Variants in GATA6 observed in about 807,000 individuals in gnomAD.
GATA6 encodes the protein transcription factor GATA-6.
Under a neutral mutation model 48.1 loss-of-function variants are expected in GATA6, and 11 were observed. The ratio of observed to expected loss-of-function variants is 0.23; its 90% CI spans 0.14 to 0.38. The LOEUF (loss-of-function observed/expected upper bound fraction) is 0.38, where lower values mean the gene tolerates loss of function less well. Ranked by LOEUF, GATA6 falls within the 10% of genes least tolerant of loss-of-function variation. The probability of loss-of-function intolerance (pLI) is 1.00; values close to 1 mark genes in which losing one functional copy is unlikely to be tolerated. For synonymous variants in GATA6, 419 were observed against 396.1 expected, an observed-to-expected ratio of 1.06 and a Z score of -0.69; for missense variants, 795 against 850.3, an observed-to-expected ratio of 0.93 and a Z score of 0.81.
chr18:22,189,723 G>A (rs1173005483), intron 6 of GATA6, among the ~76,000 whole-genome samples: 1 of 152,102 alleles, frequency 6.6e-6, no homozygotes, highest in Non-Finnish European at 1.5e-5. Context: ...AAACAGTGGT[G>A]GATTGGTCTT....
chr18:22,181,953 A>G (rs1049913577), intron 4 of GATA6, among the ~76,000 whole-genome samples: 4 of 152,248 alleles, frequency 2.6e-5, no homozygotes, highest in African/African-American at 9.6e-5. Context: ...GAAATCAATA[A>G]AAAATGCACA....
intron 6 of GATA6, among the ~76,000 whole-genome samples, chr18:22,198,110 G>T (rs912275423): frequency 6.6e-6 from 1 of 150,488 alleles, no homozygotes; most frequent in Non-Finnish European, 1.5e-5. Flanking sequence ...TTAGAGACAG[G>T]GTCTTGCTCT....
intron 6 of GATA6, among the ~76,000 whole-genome samples, chr18:22,189,948 C>T (rs942536950): frequency 2.0e-5 from 3 of 152,212 alleles, no homozygotes; most frequent in African/African-American, 4.8e-5. Flanking sequence ...CAAATTGAGA[C>T]GCGTGGTTTC....
At chr18:22,175,341 C>T (rs2033107851) in intron 2 of GATA6, 1 of 152,160 alleles carries the variant, frequency 6.6e-6, no homozygotes, top group South Asian at 2.1e-4. Flanking sequence ...GGGGAGTTCA[C>T]ACTGTCTTCT....
Position 22,200,841 on chromosome 18 carries a change from G to T in GATA6, c.*18G>T. The stretch of plus-strand genomic sequence containing the variant: ...TGGCCTGAGCCCACGCCGCCAGGAG[G>T]CAGGGAGGGCTCCGCCGCGGGCCTC... On this transcript the variant is annotated 3_prime_UTR_variant, in exon 7 of 7. Transcript: ENST00000269216. The T allele has an allele frequency of 6.2e-7, 1 of 1,600,962 alleles. No individual in the cohort carries two copies.
chr18:22,202,215 A>T lies in GATA6; in HGVS notation c.*1392A>T, dbSNP rs961988097. 2.6e-5 allele frequency: 4 copies of T among 152,102 alleles called. No homozygotes were observed. Among genetic ancestry groups the T allele is most frequent in the Non-Finnish European group, 5.9e-5 (4 of 68,018 alleles). The allele number at this position is 152,102 out of a possible 1,614,324, so 9.4% of individuals were successfully genotyped here. On this transcript the variant is annotated 3_prime_UTR_variant, in exon 7 of 7. Coordinates refer to ENST00000269216, the MANE Select transcript of GATA6 (RefSeq NM_005257.6). The stretch of plus-strand genomic sequence containing the variant: ...GGGACAGTTTTTATAAGTGGGAAGG[A>T]CTCAGTATTATTATATTTGAGATGA...
intron 3 of GATA6, chr18:22,180,269 G>A (rs1237618547): frequency 6.6e-6 from 1 of 152,018 alleles, no homozygotes; most frequent in South Asian, 2.1e-4. Context: ...GTAATTTACA[G>A]CATTTGAAAG....
intron 2 of GATA6, among the ~76,000 whole-genome samples, chr18:22,175,182 G>T (rs2033105638): frequency 6.6e-6 from 1 of 152,106 alleles, no homozygotes; most frequent in Non-Finnish European, 1.5e-5. Flanking sequence ...GATTATAGCT[G>T]CCTGGTGGGT....
Position 22,202,500 on chromosome 18 carries a change from A to G in GATA6, c.*1677A>G, listed in dbSNP as rs928412791. On this transcript the variant is annotated 3_prime_UTR_variant, in exon 7 of 7. Transcript: ENST00000269216. ...ATTTCAGGAAATCAGGAGGTGTTTC[A>G]CAATACAGAATGATGGCCTTTAACT... 1 of 152,188 alleles carries G rather than the reference A, an allele frequency of 6.6e-6. No homozygotes were observed. Among genetic ancestry groups the G allele is most frequent in the South Asian group, 2.1e-4 (1 of 4,822 alleles). 9.4% of individuals were successfully genotyped at this position (152,188 alleles called of 1,614,324 possible).
At chr18:22,177,385 G>T (rs2033136672) in intron 3 of GATA6, among the ~76,000 whole-genome samples, 1 of 152,206 alleles carries the variant, frequency 6.6e-6, no homozygotes, top group African/African-American at 2.4e-5. Flanking sequence ...ACGCGCAGGG[G>T]ATGACGTCCG....
Position 22,171,778 on chromosome 18 carries a change from C to A in GATA6, c.634C>A (p.Pro212Thr). 7.5e-7 allele frequency: 1 copy of A among 1,339,742 alleles called. No individual in the cohort carries two copies. The allele number at this position is 1,339,742 out of a possible 1,614,324, so 83.0% of individuals were successfully genotyped here. ...PYHLQGSGSGPANHAGGAGAH... is the reference protein window; with the variant it reads ...PYHLQGSGSGTANHAGGAGAH... ...CCACCTGCAGGGGTCGGGCAGTGGGCCAGCCAACCACGCGGGCGGCGCGGG... is the reference window on the plus strand; with the variant it reads ...CCACCTGCAGGGGTCGGGCAGTGGGACAGCCAACCACGCGGGCGGCGCGGG... Residue 212 changes from proline (P) to threonine (T), a missense_variant, in exon 2 of 7, where the codon CCA becomes ACA. This residue lies in a region of GATA6 where 591 missense variants were observed against 570.0 expected (regional missense o/e 1.04). Transcript: ENST00000269216. The surrounding 1 kb of genome is among the most constrained non-coding windows in gnomAD (Gnocchi z 7.1).
chr18:22,171,709 G>T lies in GATA6; in HGVS notation c.565G>T (p.Val189Leu). ...GGCGGCGGCCAGCTCCCCGGTCTACGTGCCCACCACCCGCGTGGGTTCCAT... is the reference window on the plus strand; with the variant it reads ...GGCGGCGGCCAGCTCCCCGGTCTACTTGCCCACCACCCGCGTGGGTTCCAT... ...AAAAASSPVY[V>L]PTTRVGSMLP... The change falls in exon 2 of 7, where the codon GTG becomes TTG. Residue 189 changes from valine to leucine, a missense_variant. Val to Leu is a conservative substitution (Grantham distance 32, BLOSUM62 1). This residue lies in a region of GATA6 where 591 missense variants were observed against 570.0 expected (regional missense o/e 1.04). Coordinates refer to ENST00000269216, the MANE Select transcript of GATA6 (RefSeq NM_005257.6). The surrounding 1 kb of genome is among the most constrained non-coding windows in gnomAD (Gnocchi z 7.1). The T allele has an allele frequency of 6.7e-7, 1 of 1,495,254 alleles. No individual in the cohort carries two copies. Among genetic ancestry groups the T allele is most frequent in the South Asian group, 1.2e-5 (1 of 80,044 alleles). The allele number at this position is 1,495,254 out of a possible 1,614,324, so 92.6% of individuals were successfully genotyped here. A position where few individuals can be genotyped will look rare whatever the true frequency, so the allele number is the denominator to read the frequency against.
chr18:22,175,107 C>G (rs989887419), intron 2 of GATA6, among the ~76,000 whole-genome samples: 8 of 152,082 alleles, frequency 5.3e-5, no homozygotes, highest in Non-Finnish European at 8.8e-5. Flanking sequence ...GAGCAAGCCC[C>G]CAGCTTTTAT....
intron 6 of GATA6, among the ~76,000 whole-genome samples, chr18:22,194,661 G>T (rs1276586319): frequency 6.6e-6 from 1 of 152,124 alleles, no homozygotes. Flanking sequence ...GTATGTGTGT[G>T]TATTAGGTCC....
At chr18:22,199,920 A>AAAAG (rs1178999892) in intron 6 of GATA6, among the ~76,000 whole-genome samples, 6 of 151,216 alleles carry the variant, frequency 4.0e-5, no homozygotes, top group East Asian at 1.9e-4. Flanking sequence ...AAAAAAAAAA[A>AAAAG]AAAGAAAGAA....
chr18:22,180,919 T>G (rs892837306), intron 3 of GATA6, among the ~76,000 whole-genome samples: 2 of 151,736 alleles, frequency 1.3e-5, no homozygotes, highest in Non-Finnish European at 2.9e-5. Context: ...GTGACTATAG[T>G]GCACGGCCAA....
intron 6 of GATA6, among the ~76,000 whole-genome samples, chr18:22,199,501 T>C (rs1447717080): frequency 6.6e-6 from 1 of 152,232 alleles, no homozygotes; most frequent in Non-Finnish European, 1.5e-5. Flanking sequence ...AAACAGATTT[T>C]AGTTATTTTG....
rs776161334 is a variant in GATA6 at position 22,182,706 on chromosome 18, G to T, written c.1429-51G>T. 3.0e-6 allele frequency: 4 copies of T among 1,354,812 alleles called. No homozygotes were observed. In the South Asian group the frequency reaches 3.7e-5, roughly 13 times the overall value. The allele number at this position is 1,354,812 out of a possible 1,614,324, so 83.9% of individuals were successfully genotyped here. A position where few individuals can be genotyped will look rare whatever the true frequency, so the allele number is the denominator to read the frequency against. ...TTTTAGTGCCAATGTTGGGTCTTTG[G>T]TTTTTCTTCAATATAATATTAAATT... On this transcript the variant is annotated intron_variant, in intron 4 of 6. Coordinates refer to ENST00000269216, the MANE Select transcript of GATA6 (RefSeq NM_005257.6).
rs1053123172 is a variant in GATA6, at chr18:22,170,472, T to A, written c.-37-636T>A. Among the ~76,000 whole-genome samples the A allele has an allele frequency of 6.6e-6, 1 of 152,162 alleles. No individual in the cohort carries two copies. The highest frequency in any genetic ancestry group is 1.5e-5 in the Non-Finnish European group (1 of 68,008). On this transcript the variant is annotated intron_variant, in intron 1 of 6. Transcript: ENST00000269216. The surrounding 1 kb of genome is among the most constrained non-coding windows in gnomAD (Gnocchi z 6.7). ...CTGCCCCCGCCCTGGCGTCCCACTT[T>A]CCCTGGGCCGAGTTGCATTTCTCTC...
Sources: allele counts gnomAD v4.1 joint callset (sites outside exome capture counted in the v4.1 genomes callset), GRCh38; gene constraint gnomAD v4.1.1; regional missense constraint gnomAD v4.1.1; non-coding constraint Gnocchi (gnomAD v3.1); transcripts MANE v1.5; gene names NCBI Gene and HGNC (gene_info 2026-07-23, HGNC 2026-07-21).